ADAM22: variants seen among roughly 807,000 people sequenced by gnomAD.
The protein encoded by ADAM22 is ADAM metallopeptidase domain 22.
ADAM22 carries 65 observed loss-of-function variants against 144.6 expected under a neutral mutation model. The observed-to-expected ratio is 0.45, with a 90% confidence interval of 0.37 to 0.55. ADAM22 has a LOEUF of 0.55. ADAM22 is among the 20% of genes least tolerant of loss of function. The probability of loss-of-function intolerance (pLI) is 0.00; values close to 1 mark genes in which losing one functional copy is unlikely to be tolerated. For synonymous variants in ADAM22, 391 were observed against 412.6 expected, an observed-to-expected ratio of 0.95 and a Z score of 0.63; for missense variants, 974 against 1,184.9, an observed-to-expected ratio of 0.82 and a Z score of 2.61.
chr7:88,128,535 T>C, intron 8 of ADAM22, 67 bp from the exon 9 acceptor site: 1 of 1,289,200 alleles, frequency 7.8e-7, no homozygotes, highest in Non-Finnish European at 1.1e-6. Context: ...TTCTTCCATA[T>C]TTTTTAGCTT....
At chr7:88,083,555 G>C (rs1002597685) in intron 4 of ADAM22, among the ~76,000 whole-genome samples, 4 of 149,038 alleles carry the variant, frequency 2.7e-5, no homozygotes, top group African/African-American at 5.0e-5. Context: ...TCAACACTTT[G>C]ACTATCTTTT....
At chr7:88,110,103 G>A (rs1825613367) in intron 5 of ADAM22, among the ~76,000 whole-genome samples, 2 of 152,118 alleles carry the variant, frequency 1.3e-5, no homozygotes, top group African/African-American at 2.4e-5. Context: ...GAATAAAGGT[G>A]TACATTTATT....
At chr7:87,942,472 A>G (rs1213913733) in intron 2 of ADAM22, among the ~76,000 whole-genome samples, 1 of 152,122 alleles carries the variant, frequency 6.6e-6, no homozygotes, top group Non-Finnish European at 1.5e-5. Context: ...GGTCTTATGG[A>G]AGGGGGCCAC....
intron 7 of ADAM22, among the ~76,000 whole-genome samples, chr7:88,123,266 A>C (rs1829713917): frequency 6.6e-6 from 1 of 152,000 alleles, no homozygotes; most frequent in Admixed American, 6.6e-5. Context: ...CTGGTCTTAT[A>C]AGATGTGTTA....
chr7:87,973,586 G>A (rs1342800592), intron 2 of ADAM22, among the ~76,000 whole-genome samples: 1 of 152,044 alleles, frequency 6.6e-6, no homozygotes, highest in Non-Finnish European at 1.5e-5. Flanking sequence ...TCCCATTACT[G>A]GGTATATACC....
At chr7:88,074,815 T>G (rs1227652836) in intron 3 of ADAM22, among the ~76,000 whole-genome samples, 1 of 152,216 alleles carries the variant, frequency 6.6e-6, no homozygotes, top group Non-Finnish European at 1.5e-5. Flanking sequence ...TGCTCAAAAA[T>G]GCACATTTTT....
At chr7:88,149,153 C>A in intron 18 of ADAM22, 96 bp downstream of exon 18, 1 of 804,942 alleles carries the variant, frequency 1.2e-6, no homozygotes, top group Non-Finnish European at 2.0e-6. Flanking sequence ...GAACAAGATG[C>A]TCGTGTCTCT....
intron 17 of ADAM22, among the ~76,000 whole-genome samples, chr7:88,147,686 A>G (rs961965435): frequency 6.6e-6 from 1 of 152,174 alleles, no homozygotes; most frequent in Non-Finnish European, 1.5e-5. Context: ...GTTGATTTAT[A>G]TACTGCTGTA....
intron 7 of ADAM22, among the ~76,000 whole-genome samples, chr7:88,119,686 A>G (rs941559950): frequency 6.6e-6 from 1 of 152,162 alleles, no homozygotes; most frequent in Non-Finnish European, 1.5e-5. Flanking sequence ...ACAGGGTTTC[A>G]CCATGTTGGT....
intron 7 of ADAM22, 58 bp from the exon 8 acceptor site, chr7:88,125,531 C>A: frequency 1.6e-6 from 2 of 1,270,410 alleles, no homozygotes; most frequent in East Asian, 2.4e-5. Context: ...AAACTTTGCC[C>A]TGTATTGAAG....
intron 4 of ADAM22, among the ~76,000 whole-genome samples, chr7:88,090,869 T>C (rs1267900843): frequency 2.0e-5 from 3 of 152,174 alleles, no homozygotes; most frequent in Admixed American, 1.3e-4. Flanking sequence ...TTGGTTCCTG[T>C]GGGTTTGAGC....
At chr7:88,115,498 T>A (rs574469672) in intron 6 of ADAM22, among the ~76,000 whole-genome samples, 69 of 152,268 alleles carry the variant, frequency 4.5e-4, no homozygotes, top group African/African-American at 1.5e-3. Context: ...GATGGCTGCC[T>A]TCTCACTGTG....
At chr7:88,058,825 G>C (rs1406573950) in intron 3 of ADAM22, among the ~76,000 whole-genome samples, 2 of 152,142 alleles carry the variant, frequency 1.3e-5, no homozygotes, top group Non-Finnish European at 2.9e-5. Context: ...TTAATCAATG[G>C]AATATAGAAC....
chr7:87,967,507 C>T (rs190995563), intron 2 of ADAM22, among the ~76,000 whole-genome samples: 1 of 151,736 alleles, frequency 6.6e-6, no homozygotes, highest in Admixed American at 6.6e-5. Context: ...CCTTTTCATG[C>T]CTCATTTAAA....
intron 3 of ADAM22, among the ~76,000 whole-genome samples, chr7:87,982,096 CACACACACACACAT>C (rs1174393173): frequency 4.0e-5 from 6 of 150,446 alleles, no homozygotes; most frequent in Admixed American, 1.3e-4. Context: ...CACACACACA[CACACACACACACAT>C]GCATACACAA....
At chr7:87,974,023 C>T (rs1851229602) in intron 2 of ADAM22, among the ~76,000 whole-genome samples, 1 of 150,732 alleles carries the variant, frequency 6.6e-6, no homozygotes, top group Admixed American at 6.6e-5. Flanking sequence ...ACCAACATGG[C>T]ACATGTATAC....
At chr7:87,978,028 C>G (rs956726035) in intron 2 of ADAM22, among the ~76,000 whole-genome samples, 1 of 152,068 alleles carries the variant, frequency 6.6e-6, no homozygotes. Context: ...TTTAAAGGAG[C>G]TAGTCACTTA....
chr7:88,096,629 C>A (rs552218666), intron 4 of ADAM22, among the ~76,000 whole-genome samples: 2 of 151,584 alleles, frequency 1.3e-5, no homozygotes, highest in African/African-American at 2.4e-5. Context: ...AACATATGAA[C>A]ATCTTTGTTG....
intron 3 of ADAM22, among the ~76,000 whole-genome samples, chr7:88,045,888 T>TTTTG (rs1491121186): frequency 2.2e-5 from 3 of 133,926 alleles, no homozygotes; most frequent in East Asian, 2.2e-4. Flanking sequence ...TCGTATTCTA[T>TTTTG]TGTGTGTGTG....
Sources: allele counts gnomAD v4.1 joint callset (sites outside exome capture counted in the v4.1 genomes callset), GRCh38; gene constraint gnomAD v4.1.1; transcripts MANE v1.5; gene names NCBI Gene and HGNC (gene_info 2026-07-23, HGNC 2026-07-21).